Variants in KCNIP4 observed in about 807,000 individuals in gnomAD.
KCNIP4 encodes Kv channel-interacting protein 4.
Under a neutral mutation model 34.0 loss-of-function variants are expected in KCNIP4, and 12 were observed. The ratio of observed to expected loss-of-function variants is 0.35; its 90% CI spans 0.23 to 0.57. The LOEUF (loss-of-function observed/expected upper bound fraction) is 0.57, where lower values mean the gene tolerates loss of function less well. Ranked by LOEUF, KCNIP4 falls within the 20% of genes least tolerant of loss-of-function variation. The pLI is 0.83. For missense variants in KCNIP4, 238 were observed against 311.7 expected (o/e 0.76, Z 1.78); for synonymous variants, 124 against 102.2 (o/e 1.21, Z -1.29).
At chr4:21,886,486 C>T (rs531551905) in intron 1 of KCNIP4, among the ~76,000 whole-genome samples, 87 of 152,212 alleles carry the variant, frequency 5.7e-4, no homozygotes, top group African/African-American at 2.0e-3. Context: ...ACACTTAACC[C>T]TAATGTATTT....
chr4:20,978,998 C>A (rs1735763454), intron 1 of KCNIP4, among the ~76,000 whole-genome samples: 1 of 152,010 alleles, frequency 6.6e-6, no homozygotes, highest in Non-Finnish European at 1.5e-5. Flanking sequence ...ATTCATTACA[C>A]TTTTTTCTAT....
intron 1 of KCNIP4, among the ~76,000 whole-genome samples, chr4:21,012,564 C>T (rs932170157): frequency 5.9e-5 from 9 of 152,108 alleles, no homozygotes; most frequent in African/African-American, 1.4e-4. Context: ...AAGACCTTGG[C>T]TCGAATCAAA....
intron 1 of KCNIP4, among the ~76,000 whole-genome samples, chr4:21,899,915 C>T (rs1397691570): frequency 1.3e-5 from 2 of 151,900 alleles, no homozygotes; most frequent in Admixed American, 6.6e-5. Context: ...CAATGACATT[C>T]TTCACCAAAT....
intron 2 of KCNIP4, among the ~76,000 whole-genome samples, chr4:20,876,671 T>G (rs578234917): frequency 9.3e-4 from 141 of 151,390 alleles, no homozygotes; most frequent in African/African-American, 3.3e-3. Flanking sequence ...TGGAGTGGAG[T>G]TCAAGTGATT....
At chr4:20,970,231 G>A (rs530164934) in intron 1 of KCNIP4, among the ~76,000 whole-genome samples, 41 of 152,214 alleles carry the variant, frequency 2.7e-4, no homozygotes, top group Middle Eastern at 6.8e-3. Flanking sequence ...GTGAGCCACC[G>A]CGCCCGGCCA....
At chr4:21,743,755 C>T (rs1394343794) in intron 1 of KCNIP4, among the ~76,000 whole-genome samples, 1 of 149,778 alleles carries the variant, frequency 6.7e-6, no homozygotes, top group Non-Finnish European at 1.5e-5. Context: ...AAATTTGTAA[C>T]TCACCACCAA....
At chr4:21,754,787 C>T (rs1029439791) in intron 1 of KCNIP4, among the ~76,000 whole-genome samples, 3 of 152,108 alleles carry the variant, frequency 2.0e-5, no homozygotes, top group South Asian at 2.1e-4. Flanking sequence ...AAACTACAAA[C>T]GTAATTCTGA....
intron 1 of KCNIP4, chr4:21,697,750 C>G (rs1033376402): frequency 1.7e-5 from 16 of 958,844 alleles, no homozygotes; most frequent in Non-Finnish European, 1.9e-5. Flanking sequence ...TGGTTCGGCT[C>G]GGCATCCCCT....
At chr4:21,929,760 C>G (rs1729461430) in intron 1 of KCNIP4, among the ~76,000 whole-genome samples, 1 of 152,122 alleles carries the variant, frequency 6.6e-6, no homozygotes, top group Admixed American at 6.5e-5. Context: ...TGGCTTCTGC[C>G]CCACTTAAAT....
intron 1 of KCNIP4, among the ~76,000 whole-genome samples, chr4:21,531,257 T>C (rs1736646131): frequency 6.6e-6 from 1 of 152,056 alleles, no homozygotes; most frequent in Non-Finnish European, 1.5e-5. Context: ...GGGAAGTAGT[T>C]TTGAAAGCTG....
chr4:20,943,715 T>C (rs1486179287), intron 1 of KCNIP4, among the ~76,000 whole-genome samples: 4 of 152,120 alleles, frequency 2.6e-5, no homozygotes, highest in Non-Finnish European at 5.9e-5. Context: ...CTCCACTACA[T>C]GACACTGCAG....
chr4:20,751,514 G>A (rs1210528793), intron 4 of KCNIP4, among the ~76,000 whole-genome samples: 2 of 151,524 alleles, frequency 1.3e-5, no homozygotes, highest in Non-Finnish European at 2.9e-5. Flanking sequence ...GATCGATGGT[G>A]TGTTGAACTG....
intron 1 of KCNIP4, among the ~76,000 whole-genome samples, chr4:21,024,480 T>C (rs922501974): frequency 6.6e-6 from 1 of 152,246 alleles, no homozygotes. Context: ...GTACTTATAG[T>C]CATTCCCCAA....
intron 1 of KCNIP4, among the ~76,000 whole-genome samples, chr4:21,769,346 T>G (rs1577964069): frequency 6.6e-6 from 1 of 152,262 alleles, no homozygotes; most frequent in Admixed American, 6.6e-5. Context: ...AGTGTTTGTA[T>G]AAAAGAGGAA....
chr4:21,070,029 C>A (rs1357837133), intron 1 of KCNIP4, among the ~76,000 whole-genome samples: 1 of 152,176 alleles, frequency 6.6e-6, no homozygotes, highest in Non-Finnish European at 1.5e-5. Context: ...CAATCACTAA[C>A]CTCGGATCCA....
intron 1 of KCNIP4, among the ~76,000 whole-genome samples, chr4:21,831,313 T>C (rs1722977388): frequency 6.6e-6 from 1 of 151,420 alleles, no homozygotes; most frequent in South Asian, 2.1e-4. Flanking sequence ...AGAGAAGAAA[T>C]AAATGAAAAA....
intron 1 of KCNIP4, among the ~76,000 whole-genome samples, chr4:21,144,636 T>C (rs1010559364): frequency 1.3e-5 from 2 of 152,214 alleles, no homozygotes; most frequent in African/African-American, 4.8e-5. Context: ...CGTTGTTCCA[T>C]AGAGCTTTCC....
intron 1 of KCNIP4, among the ~76,000 whole-genome samples, chr4:21,209,077 G>T (rs766501108): frequency 1.6e-4 from 25 of 152,126 alleles, no homozygotes; most frequent in Non-Finnish European, 3.4e-4. Flanking sequence ...ATGAGATTTT[G>T]GGTGGGAACA....
At chr4:20,772,682 C>T (rs1442888165) in intron 3 of KCNIP4, among the ~76,000 whole-genome samples, 2 of 151,770 alleles carry the variant, frequency 1.3e-5, no homozygotes, top group African/African-American at 4.8e-5. Context: ...GCTCTTGTCT[C>T]CCAGGCTGGA....
Sources: gnomAD v4.1 joint callset for allele counts (sites outside exome capture counted in the v4.1 genomes callset) on GRCh38, gnomAD v4.1.1 for gene constraint, MANE v1.5 for transcripts, NCBI Gene and HGNC (gene_info 2026-07-23, HGNC 2026-07-21) for gene names.